ATG10: variants seen among roughly 807,000 people sequenced by gnomAD.
The protein encoded by ATG10 is autophagy related 10.
A neutral mutation model predicts 32.1 loss-of-function variants in ATG10; 30 were observed. The ratio of observed to expected loss-of-function variants is 0.94; its 90% CI spans 0.70 to 1.27. The LOEUF (loss-of-function observed/expected upper bound fraction) is 1.27. ATG10 is among the 50% of genes most tolerant of loss of function. The probability of loss-of-function intolerance (pLI) is 0.00; values close to 1 mark genes in which losing one functional copy is unlikely to be tolerated. For missense variants in ATG10, 233 were observed against 262.3 expected, an observed-to-expected ratio of 0.89 and a Z score of 0.77; for synonymous variants, 87 against 91.5, an observed-to-expected ratio of 0.95 and a Z score of 0.28.
intron 1 of ATG10, among the ~76,000 whole-genome samples, chr5:81,978,658 T>G (rs1430340664): frequency 6.6e-6 from 1 of 152,046 alleles, no homozygotes; most frequent in Non-Finnish European, 1.5e-5. Flanking sequence ...TGTGGTTTTT[T>G]TTGTTGTTGT....
At chr5:81,989,048 T>G (rs1761375273) in intron 2 of ATG10, among the ~76,000 whole-genome samples, 1 of 152,072 alleles carries the variant, frequency 6.6e-6, no homozygotes, top group Non-Finnish European at 1.5e-5. Context: ...GCCAGGCTGG[T>G]CTTGAACTCC....
intron 5 of ATG10, among the ~76,000 whole-genome samples, chr5:82,225,797 C>CG (rs1746109139): frequency 6.6e-6 from 1 of 152,068 alleles, no homozygotes; most frequent in Non-Finnish European, 1.5e-5. Context: ...CTAGAGGGAA[C>CG]GGGAATACTT....
chr5:82,104,615 G>A (rs955000538), intron 3 of ATG10, among the ~76,000 whole-genome samples: 1 of 151,968 alleles, frequency 6.6e-6, no homozygotes, highest in African/African-American at 2.4e-5. Flanking sequence ...TTGTCATATT[G>A]GGATTAGCTG....
chr5:82,157,868 T>C (rs1250009159), intron 3 of ATG10, among the ~76,000 whole-genome samples: 1 of 152,214 alleles, frequency 6.6e-6, no homozygotes, highest in Non-Finnish European at 1.5e-5. Flanking sequence ...ACCTGACTGG[T>C]AGAAAACAAA....
chr5:82,022,538 C>T lies in ATG10; in HGVS notation c.108+34860C>T, dbSNP rs561445226. 4.0e-5 allele frequency among the ~76,000 whole-genome samples: 6 copies of T among 151,214 alleles called. No homozygotes were observed. In the South Asian group the frequency reaches 1.3e-3, roughly 32 times the overall value. ...ATGAAGTTTCACCATGTTGCCCAGGCTGGTCAGCTCCTGACATGAGGTGAT... is the reference window on the plus strand; with the variant it reads ...ATGAAGTTTCACCATGTTGCCCAGGTTGGTCAGCTCCTGACATGAGGTGAT... On this transcript the variant is annotated intron_variant, in intron 2 of 7. Transcript: ENST00000282185.
intron 3 of ATG10, among the ~76,000 whole-genome samples, chr5:82,062,103 T>G (rs1763801055): frequency 6.6e-6 from 1 of 152,082 alleles, no homozygotes; most frequent in African/African-American, 2.4e-5. Context: ...GTGCTGAGAT[T>G]ACAGGCATGA....
intron 3 of ATG10, among the ~76,000 whole-genome samples, chr5:82,097,131 A>AT (rs1387785980): frequency 1.3e-5 from 2 of 152,056 alleles, no homozygotes; most frequent in African/African-American, 2.4e-5. Flanking sequence ...GTCAACCTTG[A>AT]TTTTTTTGTT....
At chr5:82,058,028 T>C (rs1285846306) in intron 2 of ATG10, among the ~76,000 whole-genome samples, 2 of 152,198 alleles carry the variant, frequency 1.3e-5, no homozygotes, top group Non-Finnish European at 2.9e-5. Context: ...AGGCAGTTGC[T>C]GAGATGCATA....
chr5:82,108,172 C>G (rs948423075), intron 3 of ATG10, among the ~76,000 whole-genome samples: 2 of 151,976 alleles, frequency 1.3e-5, no homozygotes, highest in Non-Finnish European at 2.9e-5. Flanking sequence ...TTAAATAATA[C>G]TTGTTTCAGT....
intron 5 of ATG10, among the ~76,000 whole-genome samples, chr5:82,238,066 G>T (rs1746637395): frequency 6.6e-6 from 1 of 152,184 alleles, no homozygotes. Context: ...CATCGATAGG[G>T]CCTCAGGCCT....
At chr5:82,053,842 G>C (rs1763503803) in intron 2 of ATG10, among the ~76,000 whole-genome samples, 1 of 152,266 alleles carries the variant, frequency 6.6e-6, no homozygotes, top group Middle Eastern at 3.4e-3. Context: ...AGTTTCAGAG[G>C]GCCAGGTCAA....
At chr5:82,072,570 A>T (rs2149769699) in intron 3 of ATG10, among the ~76,000 whole-genome samples, 1 of 152,316 alleles carries the variant, frequency 6.6e-6, no homozygotes, top group Non-Finnish European at 1.5e-5. Context: ...AACCAATGTG[A>T]CATTATTGCT....
intron 1 of ATG10, among the ~76,000 whole-genome samples, chr5:81,976,815 C>CA (rs796366408): frequency 1.3e-5 from 2 of 152,098 alleles, no homozygotes; most frequent in South Asian, 2.1e-4. Flanking sequence ...TGATTTTTCA[C>CA]AAAAAAAATT....
At chr5:81,986,510 T>C (rs1761278484) in intron 1 of ATG10, among the ~76,000 whole-genome samples, 1 of 152,214 alleles carries the variant, frequency 6.6e-6, no homozygotes, top group African/African-American at 2.4e-5. Flanking sequence ...TGCCTGCTAC[T>C]TAATAGATAT....
At chr5:82,091,453 G>T (rs971576001) in intron 3 of ATG10, among the ~76,000 whole-genome samples, 2 of 152,066 alleles carry the variant, frequency 1.3e-5, no homozygotes, top group African/African-American at 4.8e-5. Flanking sequence ...CAATGGAGTA[G>T]AGCTAAAAGG....
intron 3 of ATG10, among the ~76,000 whole-genome samples, chr5:82,062,831 C>T (rs1763826291): frequency 6.6e-6 from 1 of 152,134 alleles, no homozygotes; most frequent in South Asian, 2.1e-4. Flanking sequence ...CAGTGGTAGA[C>T]TAATTAGAGC....
chr5:82,097,146 A>C (rs1484826498), intron 3 of ATG10, among the ~76,000 whole-genome samples: 1 of 152,148 alleles, frequency 6.6e-6, no homozygotes, highest in Non-Finnish European at 1.5e-5. Flanking sequence ...TTTGTTAAAG[A>C]AGGAATTTTC....
At chr5:82,049,268 AATC>A (rs1174440920) in intron 2 of ATG10, among the ~76,000 whole-genome samples, 7 of 152,018 alleles carry the variant, frequency 4.6e-5, no homozygotes, top group Admixed American at 1.3e-4. Context: ...TGAAATTGGA[AATC>A]ATCATTCTCA....
intron 5 of ATG10, among the ~76,000 whole-genome samples, chr5:82,185,091 T>G (rs1472360544): frequency 6.6e-6 from 1 of 152,260 alleles, no homozygotes; most frequent in Non-Finnish European, 1.5e-5. Flanking sequence ...TTTGTACGCA[T>G]GTATATGCAC....
Sources: gnomAD v4.1 joint callset for allele counts (sites outside exome capture counted in the v4.1 genomes callset) on GRCh38, gnomAD v4.1.1 for gene constraint, MANE v1.5 for transcripts, NCBI Gene and HGNC (gene_info 2026-07-23, HGNC 2026-07-21) for gene names.